UGT1A7: variants seen among roughly 807,000 people sequenced by gnomAD.
The protein encoded by UGT1A7 is UDP-glucuronosyltransferase 1A7.
In UGT1A7, 33 loss-of-function variants were observed where a neutral mutation model predicts 45.6. That is an observed-to-expected ratio of 0.72 (90% CI 0.55 to 0.97). The LOEUF (loss-of-function observed/expected upper bound fraction) is 0.97. Among genes scored for constraint, UGT1A7 ranks in the 50% least tolerant of loss-of-function variants. The pLI, the probability that UGT1A7 is intolerant of heterozygous loss-of-function variation, is 0.00. For missense variants in UGT1A7, 684 were observed against 666.2 expected (o/e 1.03, Z -0.29); for synonymous variants, 274 against 250.6 (o/e 1.09, Z -0.88).
chr2:233,720,890 T>A (rs2076904150), intron 1 of UGT1A7, among the ~76,000 whole-genome samples: 3 of 149,442 alleles, frequency 2.0e-5, no homozygotes, highest in African/African-American at 5.0e-5. Context: ...TTTTTTTTTT[T>A]AGTAGAGATG....
At chr2:233,689,020 G>A (rs1039573681) in intron 1 of UGT1A7, among the ~76,000 whole-genome samples, 2 of 152,134 alleles carry the variant, frequency 1.3e-5, no homozygotes, top group African/African-American at 4.8e-5. Flanking sequence ...CATAAACATG[G>A]CCAAGTGGAA....
chr2:233,702,618 A>C (rs2075696655), intron 1 of UGT1A7, among the ~76,000 whole-genome samples: 1 of 152,122 alleles, frequency 6.6e-6, no homozygotes, highest in Non-Finnish European at 1.5e-5. Context: ...CCCCCACATT[A>C]TGAGATTGAG....
chr2:233,740,186 C>T (rs1343042773), intron 1 of UGT1A7, among the ~76,000 whole-genome samples: 1 of 151,760 alleles, frequency 6.6e-6, no homozygotes, highest in Non-Finnish European at 1.5e-5. Flanking sequence ...TCAATTAAAC[C>T]TCTTTCTTTT....
intron 1 of UGT1A7, among the ~76,000 whole-genome samples, chr2:233,728,930 G>A (rs144892248): frequency 6.9e-6 from 1 of 145,550 alleles, no homozygotes; most frequent in East Asian, 1.9e-4. Flanking sequence ...GTCATGATCG[G>A]TCTTTTCCAG....
intron 1 of UGT1A7, chr2:233,690,400 C>T (rs1008882106): frequency 4.8e-5 from 56 of 1,157,702 alleles, no homozygotes; most frequent in Non-Finnish European, 6.0e-5. Flanking sequence ...CCTTCCTATT[C>T]CCAACATGAA....
intron 1 of UGT1A7, among the ~76,000 whole-genome samples, chr2:233,764,316 C>G (rs1044416342): frequency 6.6e-6 from 1 of 152,124 alleles, no homozygotes; most frequent in Non-Finnish European, 1.5e-5. Context: ...TTAAGGGAAG[C>G]TTTGCCAAGT....
rs776939121 is a variant in UGT1A7 at position 233,682,234 on chromosome 2, G to C, written c.297G>C (p.Thr99=). Residue 99 remains threonine, a synonymous_variant, in exon 1 of 5, where the codon ACG becomes ACC. Coordinates refer to ENST00000373426, the MANE Select transcript of UGT1A7 (RefSeq NM_019077.3). Reference sequence around the variant, plus strand: ...TGGTTTTTGCCGATGCTCGCTGGACGGCACCATTGCGAAGTGCATTTTCTC... The same window carrying C: ...TGGTTTTTGCCGATGCTCGCTGGACCGCACCATTGCGAAGTGCATTTTCTC... ...EFMVFADARW[T]APLRSAFSLL... is the part of the protein sequence containing the mutation. 2 of 1,614,164 alleles carry C rather than the reference G, an allele frequency of 1.2e-6. No homozygotes were observed. Among genetic ancestry groups the C allele is most frequent in the East Asian group, 4.5e-5 (2 of 44,888 alleles).
At chr2:233,768,790 G>C (rs1021832155) in intron 4 of UGT1A7, among the ~76,000 whole-genome samples, 1 of 152,024 alleles carries the variant, frequency 6.6e-6, no homozygotes, top group Admixed American at 6.6e-5. Context: ...CACCATGTTT[G>C]TCAGGCTGGT....
At chr2:233,693,528 C>T (rs116011063) in intron 1 of UGT1A7, 36 of 1,614,040 alleles carry the variant, frequency 2.2e-5, no homozygotes, top group Non-Finnish European at 2.7e-5. Context: ...AGGGGTTTTC[C>T]GTGTTCCCTG....
chr2:233,719,330 G>GT, intron 1 of UGT1A7: 2 of 1,613,866 alleles, frequency 1.2e-6, no homozygotes, highest in Non-Finnish European at 8.5e-7. Context: ...TTCCTGCTGT[G>GT]TTTTTTTGGA....
At chr2:233,764,281 G>A (rs537961109) in intron 1 of UGT1A7, among the ~76,000 whole-genome samples, 5 of 152,204 alleles carry the variant, frequency 3.3e-5, no homozygotes, top group South Asian at 2.1e-4. Context: ...TGGTCATTCC[G>A]GTAACTGTGA....
intron 1 of UGT1A7, chr2:233,693,359 A>T: frequency 6.2e-7 from 1 of 1,614,208 alleles, no homozygotes; most frequent in Non-Finnish European, 8.5e-7. Context: ...CATGATTGTT[A>T]TTGGCCTGTA....
At chr2:233,760,284 C>G (rs752018052) in intron 1 of UGT1A7, 1 of 1,612,882 alleles carries the variant, frequency 6.2e-7, no homozygotes, top group Non-Finnish European at 8.5e-7. Context: ...GGAGCAAAGG[C>G]GCCATGGCTG....
chr2:233,692,050 G>A (rs968960358), intron 1 of UGT1A7: 1 of 152,148 alleles, frequency 6.6e-6, no homozygotes, highest in African/African-American at 2.4e-5. Context: ...AAACCCTTGC[G>A]ATTAGAGGGA....
intron 1 of UGT1A7, among the ~76,000 whole-genome samples, chr2:233,706,029 A>G (rs2075885121): frequency 6.6e-6 from 1 of 152,194 alleles, no homozygotes; most frequent in Non-Finnish European, 1.5e-5. Context: ...TGGGAGGCAG[A>G]GGTTGCAGTG....
Position 233,772,832 on chromosome 2 carries a change from C to CACACAAGAAAGCCAGCAAGG in UGT1A7, c.*273_*274insACACAAGAAAGCCAGCAAGG. On this transcript the variant is annotated 3_prime_UTR_variant, in exon 5 of 5. Coordinates refer to ENST00000373426, the MANE Select transcript of UGT1A7 (RefSeq NM_019077.3). ...GAGGACGTGCAGACAGGCTGGCATT[C>CACACAAGAAAGCCAGCAAGG]TAGATTACTTTTCTTACTCTGAAAC... is the stretch of plus-strand genomic sequence containing the variant. 1 of 899,520 alleles carries CACACAAGAAAGCCAGCAAGG rather than the reference C, an allele frequency of 1.1e-6. No individual in the cohort carries two copies. The highest frequency in any genetic ancestry group is 1.5e-6 in the Non-Finnish European group (1 of 646,890). The allele number at this position is 899,520 out of a possible 1,614,324, so 55.7% of individuals were successfully genotyped here. A position where few individuals can be genotyped will look rare whatever the true frequency, so the allele number is the denominator to read the frequency against.
chr2:233,694,746 A>G (rs1358887678), intron 1 of UGT1A7, among the ~76,000 whole-genome samples: 1 of 152,224 alleles, frequency 6.6e-6, no homozygotes, highest in East Asian at 1.9e-4. Flanking sequence ...AACAGTTGGC[A>G]GTAGCCACTG....
At chr2:233,747,843 G>T in intron 1 of UGT1A7, 1 of 1,613,470 alleles carries the variant, frequency 6.2e-7, no homozygotes, top group Admixed American at 1.7e-5. Flanking sequence ...CCTGCAAAGG[G>T]TCAAGAACAT....
chr2:233,756,342 A>G (rs1696188900), intron 1 of UGT1A7: 1 of 152,190 alleles, frequency 6.6e-6, no homozygotes, highest in Non-Finnish European at 1.5e-5. Flanking sequence ...TCATCTCTTG[A>G]TTACTTTTAC....
Sources: gnomAD v4.1 joint callset for allele counts (sites outside exome capture counted in the v4.1 genomes callset) on GRCh38, gnomAD v4.1.1 for gene constraint, MANE v1.5 for transcripts, NCBI Gene and HGNC (gene_info 2026-07-23, HGNC 2026-07-21) for gene names.